The following ADAMTS6 variants were observed in gnomAD, a reference collection of about 807,000 sequenced individuals.
ADAMTS6 encodes the protein A disintegrin and metalloproteinase with thrombospondin motifs 6.
Under a neutral mutation model 144.3 loss-of-function variants are expected in ADAMTS6, and 23 were observed. That is an observed-to-expected ratio of 0.16 (90% CI 0.11 to 0.23). The LOEUF (loss-of-function observed/expected upper bound fraction) is 0.23, where lower values mean the gene tolerates loss of function less well. Ranked by LOEUF, ADAMTS6 falls within the 10% of genes least tolerant of loss-of-function variation. The probability of loss-of-function intolerance (pLI) is 1.00; values close to 1 mark genes in which losing one functional copy is unlikely to be tolerated. For synonymous variants in ADAMTS6, 444 were observed against 457.5 expected, an observed-to-expected ratio of 0.97 and a Z score of 0.38; for missense variants, 999 against 1,379.6, an observed-to-expected ratio of 0.72 and a Z score of 4.37.
chr5:65,423,018 CA>C (rs1450999225), intron 7 of ADAMTS6, among the ~76,000 whole-genome samples: 2 of 152,130 alleles, frequency 1.3e-5, no homozygotes, highest in Non-Finnish European at 2.9e-5. Context: ...TCTTTTGCAG[CA>C]ACCTGGATGG....
At chr5:65,239,423 G>GATGTAA (rs1380785603) in intron 15 of ADAMTS6, among the ~76,000 whole-genome samples, 2 of 152,132 alleles carry the variant, frequency 1.3e-5, no homozygotes, top group African/African-American at 4.8e-5. Flanking sequence ...ATAGATCATA[G>GATGTAA]ATGTAAATGT....
chr5:65,299,895 A>T (rs1743194110), intron 10 of ADAMTS6, 90 bp downstream of exon 10: 1 of 1,412,170 alleles, frequency 7.1e-7, no homozygotes, highest in East Asian at 2.3e-5. Flanking sequence ...AAACTTACTC[A>T]TTATGCAAAG....
At chr5:65,438,466 G>A (rs1757620101) in intron 7 of ADAMTS6, among the ~76,000 whole-genome samples, 1 of 152,152 alleles carries the variant, frequency 6.6e-6, no homozygotes, top group South Asian at 2.1e-4. Context: ...GGCGGAGGGT[G>A]CAGTGAGCCA....
At chr5:65,475,808 G>A (rs781615564) in intron 1 of ADAMTS6, among the ~76,000 whole-genome samples, 3 of 152,106 alleles carry the variant, frequency 2.0e-5, no homozygotes, top group Non-Finnish European at 4.4e-5. Flanking sequence ...TAACCAGAAA[G>A]GTAGTTTAAG....
chr5:65,262,231 G>C (rs1038697281), intron 13 of ADAMTS6, among the ~76,000 whole-genome samples: 12 of 152,216 alleles, frequency 7.9e-5, no homozygotes, highest in Non-Finnish European at 1.2e-4. Flanking sequence ...AGTGGTGGAA[G>C]AGGTGCAGTC....
At chr5:65,250,975 T>C (rs753612143) in intron 14 of ADAMTS6, among the ~76,000 whole-genome samples, 1 of 152,220 alleles carries the variant, frequency 6.6e-6, no homozygotes, top group Non-Finnish European at 1.5e-5. Flanking sequence ...TTAAAATAGT[T>C]ACAATATGTA....
intron 10 of ADAMTS6, among the ~76,000 whole-genome samples, chr5:65,294,965 G>T (rs541535278): frequency 4.6e-5 from 7 of 152,112 alleles, no homozygotes; most frequent in African/African-American, 1.7e-4. Flanking sequence ...CATACTGTGG[G>T]TAGTCTTTTG....
intron 9 of ADAMTS6, among the ~76,000 whole-genome samples, chr5:65,301,234 T>C (rs1367581014): frequency 6.6e-6 from 1 of 152,228 alleles, no homozygotes; most frequent in Non-Finnish European, 1.5e-5. Flanking sequence ...ACAATGTATG[T>C]GTATAAACAG....
chr5:65,339,539 C>A (rs549237433), intron 7 of ADAMTS6, among the ~76,000 whole-genome samples: 3 of 146,776 alleles, frequency 2.0e-5, no homozygotes, highest in South Asian at 4.3e-4. Context: ...ATATGAAATG[C>A]CAGAAAAAGA....
chr5:65,382,118 A>G (rs898144053), intron 7 of ADAMTS6, among the ~76,000 whole-genome samples: 4 of 152,194 alleles, frequency 2.6e-5, no homozygotes, highest in Admixed American at 2.0e-4. Flanking sequence ...CTTTGGAAAA[A>G]GCTGGGAGCA....
Position 65,214,504 on chromosome 5 carries a change from T to G in ADAMTS6, c.2575+290A>C. The G allele has an allele frequency of 4.3e-6, 2 of 462,380 alleles. No individual in the cohort carries two copies. Among genetic ancestry groups the G allele is most frequent in the South Asian group, 4.3e-5 (2 of 46,884 alleles). 28.6% of individuals were successfully genotyped at this position (462,380 alleles called of 1,614,324 possible). On this transcript the variant is annotated intron_variant, in intron 20 of 24. Coordinates refer to ENST00000381055, the MANE Select transcript of ADAMTS6 (RefSeq NM_197941.4). This position sits in a 1 kb window ranked among gnomAD's most constrained non-coding sequence, Gnocchi z 4.6. Reference sequence around the variant, plus strand: ...TTTGATGTTCTTTACCAAGAATGTGTTCACGAAAGGCAAACAGCCCACCTT... The same window carrying G: ...TTTGATGTTCTTTACCAAGAATGTGGTCACGAAAGGCAAACAGCCCACCTT...
intron 8 of ADAMTS6, among the ~76,000 whole-genome samples, chr5:65,330,177 G>T (rs1008701847): frequency 3.9e-5 from 6 of 152,058 alleles, no homozygotes; most frequent in African/African-American, 1.4e-4. Flanking sequence ...AAATACTATG[G>T]TGTTAATTCG....
chr5:65,164,007 A>G (rs1335703510), intron 24 of ADAMTS6, among the ~76,000 whole-genome samples: 1 of 152,206 alleles, frequency 6.6e-6, no homozygotes, highest in African/African-American at 2.4e-5. Flanking sequence ...AATGAATAAA[A>G]AACAGACAGA....
chr5:65,403,666 T>C (rs547770015), intron 7 of ADAMTS6, among the ~76,000 whole-genome samples: 2 of 152,210 alleles, frequency 1.3e-5, no homozygotes. Flanking sequence ...CTAGTTACCA[T>C]GTAAAATAGC....
chr5:65,311,769 G>A (rs774831890), intron 9 of ADAMTS6, among the ~76,000 whole-genome samples: 1 of 152,036 alleles, frequency 6.6e-6, no homozygotes, highest in Non-Finnish European at 1.5e-5. Context: ...AATGGAAAGA[G>A]CAAACATAGC....
At chr5:65,474,727 G>A (rs956108525) in intron 1 of ADAMTS6, among the ~76,000 whole-genome samples, 5 of 139,716 alleles carry the variant, frequency 3.6e-5, no homozygotes, top group Admixed American at 7.8e-5. Context: ...TGGTTTCCCC[G>A]CATACAGCAG....
intron 3 of ADAMTS6, among the ~76,000 whole-genome samples, chr5:65,463,593 T>A (rs1484908569): frequency 1.3e-5 from 2 of 152,188 alleles, no homozygotes; most frequent in Non-Finnish European, 2.9e-5. Context: ...TGCCTCCTCT[T>A]TCCTTGAGGT....
chr5:65,325,492 C>T, intron 9 of ADAMTS6, among the ~76,000 whole-genome samples: 1 of 141,850 alleles, frequency 7.0e-6, no homozygotes, highest in Non-Finnish European at 1.5e-5. Context: ...TTCAATATAG[C>T]TTTTTTTTTT....
chr5:65,390,611 C>A (rs1030661366), intron 7 of ADAMTS6, among the ~76,000 whole-genome samples: 11 of 152,156 alleles, frequency 7.2e-5, no homozygotes, highest in Non-Finnish European at 1.0e-4. Context: ...AAAGGAAAGA[C>A]AATAGTTTAG....
Sources: gnomAD v4.1 joint callset for allele counts (sites outside exome capture counted in the v4.1 genomes callset) on GRCh38, gnomAD v4.1.1 for gene constraint, Gnocchi (gnomAD v3.1) non-coding constraint, MANE v1.5 for transcripts, NCBI Gene and HGNC (gene_info 2026-07-23, HGNC 2026-07-21) for gene names.